The following KIAA0825 variants were observed in gnomAD, a reference collection of about 807,000 sequenced individuals.
KIAA0825 encodes the protein KIAA0825.
KIAA0825 carries 119 observed loss-of-function variants against 147.6 expected under a neutral mutation model. That is an observed-to-expected ratio of 0.81 (90% CI 0.69 to 0.94). The LOEUF is 0.94. Ranked by LOEUF, KIAA0825 falls within the 40% of genes least tolerant of loss-of-function variation. KIAA0825 has a pLI of 0.00. For synonymous variants in KIAA0825, 470 were observed against 518.1 expected (o/e 0.91, Z 1.26); for missense variants, 1,381 against 1,472.7 (o/e 0.94, Z 1.02).
chr5:94,478,402 C>T (rs1346428177), intron 6 of KIAA0825, among the ~76,000 whole-genome samples: 1 of 151,752 alleles, frequency 6.6e-6, no homozygotes, highest in Admixed American at 6.6e-5. Flanking sequence ...AGTGACAGAA[C>T]ACTGCAAACA....
intron 19 of KIAA0825, among the ~76,000 whole-genome samples, chr5:94,385,264 T>G (rs552514621): frequency 6.6e-6 from 1 of 152,300 alleles, no homozygotes; most frequent in South Asian, 2.1e-4. Context: ...GAGTCCAGAC[T>G]GACGTTTAAA....
intron 12 of KIAA0825, among the ~76,000 whole-genome samples, chr5:94,454,176 A>G (rs1450086898): frequency 7.2e-5 from 11 of 152,238 alleles, no homozygotes; most frequent in Non-Finnish European, 1.6e-4. Context: ...ACAAATGTAT[A>G]ACAACAGGAG....
Position 94,263,840 on chromosome 5 carries a change from G to A in KIAA0825, c.3711-109716C>T, listed in dbSNP as rs148035092. On this transcript the variant is annotated intron_variant, in intron 20 of 20. Transcript: ENST00000682413. ...CCAGGCCTGCAGCATCTCCACCTCC[G>A]GACCATCCTCAGATCTGCTAGGATA... 1.9e-3 allele frequency among the ~76,000 whole-genome samples: 288 copies of A among 152,000 alleles called. 1 individual carries two copies. The highest frequency in any genetic ancestry group is 3.5e-3 in the Non-Finnish European group (235 of 67,978).
chr5:94,351,996 C>A (rs1378233011), intron 20 of KIAA0825, among the ~76,000 whole-genome samples: 1 of 152,134 alleles, frequency 6.6e-6, no homozygotes, highest in East Asian at 1.9e-4. Context: ...TTGGAAAAAA[C>A]CCTTCTGGAC....
chr5:94,340,139 T>C (rs1782224793), intron 20 of KIAA0825, among the ~76,000 whole-genome samples: 3 of 152,146 alleles, frequency 2.0e-5, no homozygotes, highest in Admixed American at 2.0e-4. Flanking sequence ...GGGGGATTGG[T>C]TCCAGGATCC....
At chr5:94,156,343 C>G (rs1767028074) in intron 20 of KIAA0825, among the ~76,000 whole-genome samples, 1 of 152,148 alleles carries the variant, frequency 6.6e-6, no homozygotes, top group Non-Finnish European at 1.5e-5. Context: ...CCAAATTGTG[C>G]TAGATATTAC....
At chr5:94,192,706 G>C (rs1245800245) in intron 20 of KIAA0825, among the ~76,000 whole-genome samples, 1 of 152,060 alleles carries the variant, frequency 6.6e-6, no homozygotes, top group Non-Finnish European at 1.5e-5. Context: ...CATCCACCCT[G>C]TAGGCATTAG....
rs80163178 is a variant in KIAA0825 at position 94,555,596 on chromosome 5, T to C, written c.-1-18469A>G. Among the ~76,000 whole-genome samples, 1,000 of 152,328 alleles carry C rather than the reference T, an allele frequency of 6.6e-3. 7 individuals carry two copies. Among genetic ancestry groups the C allele is most frequent in the Non-Finnish European group, 0.012 (805 of 68,024 alleles). ...TGACAGGATCAGTCAGAATACACTA[T>C]TGTAGCTTGACAAGCAAACAGAATT... On this transcript the variant is annotated intron_variant, in intron 2 of 20. Transcript: ENST00000682413.
chr5:94,520,250 A>C lies in KIAA0825; in HGVS notation c.968T>G (p.Leu323Trp). Residue 323 changes from leucine (L) to tryptophan (W), a missense_variant and splice_region_variant, in exon 5 of 21, where the codon TTG (leucine) becomes TGG (tryptophan). Leu to Trp is a moderately conservative substitution (Grantham distance 61, BLOSUM62 -2). Coordinates refer to ENST00000682413, the MANE Select transcript of KIAA0825 (RefSeq NM_001145678.3). ...SSKHRGAVHA[L>W]VTTECPQKGR... is the part of the protein sequence containing the mutation. ...CAAAAATTTTAAATGTCACTAACCC[A>C]AAGCATGCACTGCTCCTCTATGCTT... 6.3e-7 allele frequency: 1 copy of C among 1,588,514 alleles called. No homozygotes were observed. Among genetic ancestry groups the C allele is most frequent in the East Asian group, 2.2e-5 (1 of 44,656 alleles).
chr5:94,301,385 A>AAT (rs920441286), intron 20 of KIAA0825, among the ~76,000 whole-genome samples: 71 of 150,084 alleles, frequency 4.7e-4, no homozygotes, highest in Admixed American at 1.7e-3. Flanking sequence ...CTAATAAATA[A>AAT]ATATATATAT....
chr5:94,535,191 T>C (rs1771706963), intron 3 of KIAA0825, among the ~76,000 whole-genome samples: 1 of 152,018 alleles, frequency 6.6e-6, no homozygotes, highest in African/African-American at 2.4e-5. Flanking sequence ...CTCTCCTTTT[T>C]CCTTAGAGCA....
chr5:94,315,222 T>C (rs1779538918), intron 20 of KIAA0825, among the ~76,000 whole-genome samples: 1 of 151,662 alleles, frequency 6.6e-6, no homozygotes, highest in Non-Finnish European at 1.5e-5. Context: ...TAAAAAGGCG[T>C]CTTCTTTTTT....
intron 1 of KIAA0825, among the ~76,000 whole-genome samples, chr5:94,591,511 G>A (rs969479880): frequency 9.9e-5 from 15 of 152,132 alleles, no homozygotes; most frequent in Admixed American, 2.0e-4. Flanking sequence ...GCCTCATTCT[G>A]GTCTTTAGCT....
chr5:94,330,834 T>C (rs1290833350), intron 20 of KIAA0825, among the ~76,000 whole-genome samples: 1 of 152,080 alleles, frequency 6.6e-6, no homozygotes, highest in Non-Finnish European at 1.5e-5. Flanking sequence ...AACTTACTAC[T>C]ATCAGAAATG....
At chr5:94,384,659 G>A (rs1748902091) in intron 19 of KIAA0825, among the ~76,000 whole-genome samples, 1 of 152,096 alleles carries the variant, frequency 6.6e-6, no homozygotes. Flanking sequence ...AAATCCATTT[G>A]GGGATGTAGT....
chr5:94,603,060 C>T (rs1292820677), intron 1 of KIAA0825, among the ~76,000 whole-genome samples: 2 of 152,104 alleles, frequency 1.3e-5, no homozygotes, highest in East Asian at 3.9e-4. Context: ...AACTCCTGAC[C>T]TCATGATCTA....
At chr5:94,383,844 T>C (rs1043443723) in intron 20 of KIAA0825, among the ~76,000 whole-genome samples, 2 of 151,166 alleles carry the variant, frequency 1.3e-5, no homozygotes, top group Admixed American at 6.6e-5. Context: ...TAAAATAATA[T>C]GCTACTGTGG....
At chr5:94,471,305 C>G (rs1014953353) in intron 9 of KIAA0825, among the ~76,000 whole-genome samples, 161 bp downstream of exon 9, 1 of 152,030 alleles carries the variant, frequency 6.6e-6, no homozygotes, top group Non-Finnish European at 1.5e-5. Flanking sequence ...CCATGCTCCA[C>G]CTTTTTGATA....
At chr5:94,406,605 C>A (rs1488253737) in intron 15 of KIAA0825, among the ~76,000 whole-genome samples, 1 of 152,146 alleles carries the variant, frequency 6.6e-6, no homozygotes, top group Non-Finnish European at 1.5e-5. Context: ...TGAAAATCAA[C>A]TTTTGAGAAC....
Sources: gnomAD v4.1 joint callset for allele counts (sites outside exome capture counted in the v4.1 genomes callset) on GRCh38, gnomAD v4.1.1 for gene constraint, MANE v1.5 for transcripts, NCBI Gene and HGNC (gene_info 2026-07-23, HGNC 2026-07-21) for gene names.